The following TTC6 variants were observed in gnomAD, a reference collection of about 807,000 sequenced individuals.
TTC6 encodes the protein tetratricopeptide repeat domain 6.
A neutral mutation model predicts 210.4 loss-of-function variants in TTC6; 172 were observed. The ratio of observed to expected loss-of-function variants is 0.82; its 90% CI spans 0.72 to 0.93. The LOEUF is 0.93. TTC6 is among the 40% of genes least tolerant of loss of function. TTC6 has a pLI of 0.00. For synonymous variants in TTC6, 804 were observed against 819.6 expected, an observed-to-expected ratio of 0.98 and a Z score of 0.32; for missense variants, 2,414 against 2,318.1, an observed-to-expected ratio of 1.04 and a Z score of -0.85.
At chr14:37,683,899 A>G (rs2095789109) in intron 3 of TTC6, among the ~76,000 whole-genome samples, 1 of 152,030 alleles carries the variant, frequency 6.6e-6, no homozygotes. Context: ...CTTTTCCTTG[A>G]ACCACAGCAT....
chr14:37,758,617 G>A (rs970874605), intron 14 of TTC6, among the ~76,000 whole-genome samples: 8 of 152,210 alleles, frequency 5.3e-5, no homozygotes, highest in Admixed American at 2.6e-4. Context: ...GTAGCACACC[G>A]ATGGGTCTTG....
At chr14:37,784,177 G>A (rs762268642) in intron 14 of TTC6, among the ~76,000 whole-genome samples, 1 of 152,140 alleles carries the variant, frequency 6.6e-6, no homozygotes, top group Non-Finnish European at 1.5e-5. Context: ...TTCAATTCTT[G>A]TTAACTTTCT....
intron 14 of TTC6, among the ~76,000 whole-genome samples, chr14:37,764,219 A>G (rs1276460237): frequency 1.3e-5 from 2 of 152,094 alleles, no homozygotes; most frequent in South Asian, 2.1e-4. Flanking sequence ...GAATGTTCCA[A>G]GTTTGCCTGA....
intron 14 of TTC6, among the ~76,000 whole-genome samples, chr14:37,758,129 T>G (rs1056471571): frequency 6.6e-6 from 1 of 152,190 alleles, no homozygotes; most frequent in Admixed American, 6.5e-5. Context: ...ATAAGTGTGA[T>G]GTGGTGCTGA....
At chr14:37,731,084 G>T (rs954518170) in intron 7 of TTC6, among the ~76,000 whole-genome samples, 1 of 152,174 alleles carries the variant, frequency 6.6e-6, no homozygotes. Flanking sequence ...CTCAAGCACT[G>T]AATTAGTTGA....
At chr14:37,630,147 C>T (rs2095666887) in intron 1 of TTC6, among the ~76,000 whole-genome samples, 1 of 152,038 alleles carries the variant, frequency 6.6e-6, no homozygotes, top group African/African-American at 2.4e-5. Context: ...GTCCTTGCTT[C>T]TCTAGTTCTT....
chr14:37,738,766 G>C lies in TTC6; in HGVS notation c.1984-10G>C. ...TTACGTTTTTTCTACCTCTTTGCTTGCTTACTAAGCGAGTAAAATCTTCTG... is the reference window on the plus strand; with the variant it reads ...TTACGTTTTTTCTACCTCTTTGCTTCCTTACTAAGCGAGTAAAATCTTCTG... On this transcript the variant is annotated splice_polypyrimidine_tract_variant and intron_variant, in intron 9 of 30. Transcript: ENST00000553443. 1.4e-6 allele frequency: 2 copies of C among 1,447,592 alleles called. No individual in the cohort carries two copies. Among genetic ancestry groups the C allele is most frequent in the Non-Finnish European group, 9.0e-7 (1 of 1,106,732 alleles). The allele number at this position is 1,447,592 out of a possible 1,614,324, so 89.7% of individuals were successfully genotyped here.
intron 10 of TTC6, among the ~76,000 whole-genome samples, chr14:37,745,899 G>C (rs910086319): frequency 6.6e-6 from 1 of 152,146 alleles, no homozygotes; most frequent in Non-Finnish European, 1.5e-5. Context: ...GAACTGGCTG[G>C]GGTCTGAAAG....
intron 25 of TTC6, among the ~76,000 whole-genome samples, chr14:37,816,288 A>G (rs1260521018): frequency 1.3e-5 from 2 of 152,126 alleles, no homozygotes; most frequent in Non-Finnish European, 2.9e-5. Flanking sequence ...TCCACCCCCA[A>G]TAACAGCAGA....
intron 1 of TTC6, among the ~76,000 whole-genome samples, chr14:37,628,827 C>T (rs2095664671): frequency 6.6e-6 from 1 of 152,194 alleles, no homozygotes; most frequent in Non-Finnish European, 1.5e-5. Flanking sequence ...CTGCATATGG[C>T]TAGCCAGTTT....
At chr14:37,772,174 G>A (rs2096021333) in intron 14 of TTC6, among the ~76,000 whole-genome samples, 1 of 152,306 alleles carries the variant, frequency 6.6e-6, no homozygotes, top group South Asian at 2.1e-4. Flanking sequence ...CAGATCTCCA[G>A]CTGCGTGCTG....
chr14:37,628,135 T>C (rs2095663516), intron 1 of TTC6, among the ~76,000 whole-genome samples: 2 of 152,182 alleles, frequency 1.3e-5, no homozygotes, highest in Non-Finnish European at 2.9e-5. Context: ...CACGCCTGGC[T>C]AACTTTGTAT....
At chr14:37,813,716 C>T (rs1382880142) in intron 25 of TTC6, among the ~76,000 whole-genome samples, 2 of 152,056 alleles carry the variant, frequency 1.3e-5, no homozygotes, top group Non-Finnish European at 2.9e-5. Flanking sequence ...AAAGCGCTGG[C>T]GTTAATATAT....
chr14:37,792,777 T>G (rs2096083173), intron 17 of TTC6, among the ~76,000 whole-genome samples: 1 of 18,392 alleles, frequency 5.4e-5, no homozygotes, highest in Non-Finnish European at 9.2e-5. Context: ...GGTCCAATGT[T>G]GTGTGTGTGT....
At chr14:37,781,976 A>G (rs751729423) in intron 14 of TTC6, among the ~76,000 whole-genome samples, 4 of 152,054 alleles carry the variant, frequency 2.6e-5, no homozygotes, top group South Asian at 4.2e-4. Context: ...GTTCTGTTTC[A>G]TTGGTCTATA....
intron 20 of TTC6, among the ~76,000 whole-genome samples, chr14:37,797,816 A>T (rs894395645): frequency 6.6e-5 from 10 of 151,966 alleles, no homozygotes; most frequent in African/African-American, 2.4e-4. Context: ...CTATCTTAAG[A>T]TTATTCTTTT....
At chr14:37,790,623 G>A (rs1464694318) in intron 15 of TTC6, 94 bp from the exon 18 acceptor site, 1 of 999,788 alleles carries the variant, frequency 1.0e-6, no homozygotes, top group Admixed American at 2.6e-5. Flanking sequence ...GTTAAAAAAT[G>A]AGAATAAGCA....
rs1469524156 is a variant in TTC6, at chr14:37,651,411, ATATATATATATATATTTTTTTTT to A, written c.939+28410_939+28432del. 1.6e-3 allele frequency among the ~76,000 whole-genome samples: 42 copies of A among 26,222 alleles called. 1 individual carries two copies. The highest frequency in any genetic ancestry group is 5.7e-3 in the African/African-American group (38 of 6,640). 17.2% of individuals were successfully genotyped at this position (26,222 alleles called of 152,430 possible). A position where few individuals can be genotyped will look rare whatever the true frequency, so the allele number is the denominator to read the frequency against. ...GTTATATATATATATATATATATAT[ATATATATATATATATTTTTTTTT>A]TTTTTTTTTTTTTTTTTTTCCATCC... On this transcript the variant is annotated intron_variant, in intron 1 of 30. Coordinates refer to ENST00000553443, the Ensembl canonical transcript of TTC6.
intron 5 of TTC6, among the ~76,000 whole-genome samples, chr14:37,712,302 A>T (rs1408954190): frequency 6.6e-6 from 1 of 152,148 alleles, no homozygotes; most frequent in African/African-American, 2.4e-5. Flanking sequence ...CTTCTAGATA[A>T]CTTCTTAGTC....
Sources: allele counts gnomAD v4.1 joint callset (sites outside exome capture counted in the v4.1 genomes callset), GRCh38; gene constraint gnomAD v4.1.1; transcripts MANE v1.5; gene names NCBI Gene and HGNC (gene_info 2026-07-23, HGNC 2026-07-21).